Variants in MAP3K15 observed in about 807,000 individuals in gnomAD.
MAP3K15 encodes MAPK/ERK kinase kinase 15.
A neutral mutation model predicts 99.5 loss-of-function variants in MAP3K15; 124 were observed. That is an observed-to-expected ratio of 1.25 (90% confidence interval 1.08 to 1.45). The LOEUF (loss-of-function observed/expected upper bound fraction) is 1.45. Among genes scored for constraint, MAP3K15 ranks in the 40% most tolerant of loss-of-function variants. The probability of loss-of-function intolerance (pLI) is 0.00; values close to 1 mark genes in which losing one functional copy is unlikely to be tolerated. For synonymous variants in MAP3K15, 494 were observed against 439.6 expected, an observed-to-expected ratio of 1.12 and a Z score of -1.55; for missense variants, 1,242 against 1,079.7, an observed-to-expected ratio of 1.15 and a Z score of -2.11.
At position 19,384,774 on chromosome X, in the gene MAP3K15, A is replaced by C. The variant is rs867591573; in HGVS notation, c.2432-4497T>G. Among the ~76,000 whole-genome samples, 110 of 102,360 alleles carry C rather than the reference A, an allele frequency of 1.1e-3. 1 individual carries two copies. Among genetic ancestry groups the C allele is most frequent in the African/African-American group, 4.1e-3 (106 of 25,916 alleles). The allele number at this position is 102,360 out of a possible 115,157, so 88.9% of individuals were successfully genotyped here. Reference sequence around the variant, plus strand: ...GAAAAAAAAAAAAAAAAAAAAAAAAAAAAAAACTGTACATTTTAAAAAACT... The same window carrying C: ...GAAAAAAAAAAAAAAAAAAAAAAAACAAAAAACTGTACATTTTAAAAAACT... On this transcript the variant is annotated intron_variant, in intron 18 of 28. Transcript: ENST00000338883.
intron 1 of MAP3K15, among the ~76,000 whole-genome samples, chrX:19,494,669 G>A (rs1018373655): frequency 9.0e-6 from 1 of 111,028 alleles, no homozygotes; most frequent in Non-Finnish European, 1.9e-5. Context: ...TTCTGTGACT[G>A]TACTGGCTCA....
intron 6 of MAP3K15, among the ~76,000 whole-genome samples, chrX:19,445,714 G>A (rs901015470): frequency 5.5e-5 from 6 of 109,874 alleles, no homozygotes; most frequent in Non-Finnish European, 7.6e-5. Flanking sequence ...AGGCTGAGGC[G>A]GGTGGATCAC....
chrX:19,460,761 G>GTTT (rs372618461), intron 4 of MAP3K15, among the ~76,000 whole-genome samples: 1 of 98,098 alleles, frequency 1.0e-5, no homozygotes, highest in African/African-American at 3.9e-5. Flanking sequence ...TTGTTTTTTT[G>GTTT]TTTTTTTTTT....
intron 28 of MAP3K15, chrX:19,361,050 C>CA (rs2063279386): frequency 1.4e-5 from 6 of 417,590 alleles, no homozygotes; most frequent in South Asian, 1.2e-4. Context: ...AGGCAGGCTG[C>CA]AGTTTAAAGA....
intron 3 of MAP3K15, chrX:19,482,179 C>CAAAAAAAAAAAAAAA (rs34191166): frequency 6.0e-4 from 19 of 31,455 alleles, no homozygotes; most frequent in East Asian, 9.9e-4. Flanking sequence ...GATTCCAGCT[C>CAAAAAAAAAAAAAAA]AAAAAAAAAA....
rs191104278 is a variant in MAP3K15 at position 19,377,432 on chromosome X, T to C, written c.2589+2688A>G. Among the ~76,000 whole-genome samples the C allele has an allele frequency of 1.4e-4, 15 of 110,696 alleles. No homozygotes were observed. In the East Asian group the frequency reaches 4.3e-3, roughly 31 times the overall value. ...GGTGGCCCATGCCTACAATCCCAGC[T>C]ACTTGGGAGGCTGAGGCAGGAGAAT... On this transcript the variant is annotated intron_variant, in intron 19 of 28. Transcript: ENST00000338883.
intron 1 of MAP3K15, among the ~76,000 whole-genome samples, chrX:19,492,349 C>T (rs2064373707): frequency 9.0e-6 from 1 of 110,824 alleles, no homozygotes; most frequent in Non-Finnish European, 1.9e-5. Flanking sequence ...CAGGATATAT[C>T]ACTAAAAGAT....
intron 18 of MAP3K15, among the ~76,000 whole-genome samples, chrX:19,388,994 T>C (rs2063509672): frequency 8.9e-6 from 1 of 111,756 alleles, no homozygotes; most frequent in East Asian, 2.8e-4. Flanking sequence ...CACCACTGCA[T>C]GGAGGAACTG....
chrX:19,494,498 T>A (rs1045435496), intron 1 of MAP3K15, among the ~76,000 whole-genome samples: 1 of 112,080 alleles, frequency 8.9e-6, no homozygotes, highest in African/African-American at 3.2e-5. Flanking sequence ...TTTAGTTCGT[T>A]GAAAACTTTT....
At chrX:19,445,568 C>T (rs756275094) in intron 6 of MAP3K15, among the ~76,000 whole-genome samples, 1 of 89,972 alleles carries the variant, frequency 1.1e-5, no homozygotes, top group East Asian at 3.4e-4. Flanking sequence ...CCAACCTGGG[C>T]GACAGAGTGA....
At chrX:19,492,497 AC>A (rs1305795022) in intron 1 of MAP3K15, among the ~76,000 whole-genome samples, 3 of 111,354 alleles carry the variant, frequency 2.7e-5, no homozygotes, top group Non-Finnish European at 5.6e-5. Flanking sequence ...GAAAGGATGC[AC>A]GTCTATACTG....
chrX:19,476,545 T>A (rs752100881), intron 3 of MAP3K15, among the ~76,000 whole-genome samples: 4 of 112,285 alleles, frequency 3.6e-5, no homozygotes, highest in South Asian at 3.7e-4. Context: ...TAATTATTTG[T>A]CTAGCCAGCT....
Position 19,373,634 on chromosome X carries a change from G to A in MAP3K15, c.2835C>T (p.Ser945=). Residue 945 remains serine, a synonymous_variant, in exon 21 of 29, where the codon AGC becomes AGT. Transcript: ENST00000338883. ...PTQGEPMATS[S]SEHGSVSPDS... ...CTGGGGAGACAGAGCCGTGCTCGCT[G>A]CTGCTGGTGGCCATGGGCTCTCCCT... 1 of 1,199,434 alleles carries A rather than the reference G, an allele frequency of 8.3e-7. No homozygotes were observed. Among genetic ancestry groups the A allele is most frequent in the South Asian group, 1.8e-5 (1 of 55,170 alleles).
At chrX:19,426,431 T>G in intron 7 of MAP3K15, 88 bp from the exon 8 acceptor site, 1 of 546,164 alleles carries the variant, frequency 1.8e-6, no homozygotes, top group Non-Finnish European at 2.6e-6. Context: ...ATGAAAAGTT[T>G]TCTTTCTCTA....
rs954545357 is a variant in MAP3K15, at chrX:19,421,425, C to G, written c.1439+4106G>C. Among the ~76,000 whole-genome samples the G allele has an allele frequency of 1.7e-3, 191 of 110,695 alleles. 1 individual carries two copies. Among genetic ancestry groups the G allele is most frequent in the African/African-American group, 5.8e-3 (176 of 30,135 alleles). On this transcript the variant is annotated intron_variant, in intron 9 of 28. Transcript: ENST00000338883. ...GCCAAATCATGAGTGAACTCCCATT[C>G]ACAATTGCTTCAAAGAGAATAAAAT...
chrX:19,492,537 A>G (rs1297896945), intron 1 of MAP3K15, among the ~76,000 whole-genome samples: 2 of 111,519 alleles, frequency 1.8e-5, no homozygotes, highest in East Asian at 5.6e-4. Flanking sequence ...CAGCCTCATC[A>G]ATTTCTCTCA....
intron 1 of MAP3K15, among the ~76,000 whole-genome samples, chrX:19,491,110 G>A (rs1043636028): frequency 9.0e-6 from 1 of 111,548 alleles, no homozygotes; most frequent in African/African-American, 3.3e-5. Flanking sequence ...ACCAGACACC[G>A]CTAGCTCTGT....
chrX:19,382,891 TGA>T (rs1432663845), intron 18 of MAP3K15, among the ~76,000 whole-genome samples: 1 of 112,375 alleles, frequency 8.9e-6, no homozygotes, highest in East Asian at 2.8e-4. Context: ...TCTGTGATGC[TGA>T]GTCTGGGACT....
At chrX:19,399,765 A>C (rs1251956985) in intron 14 of MAP3K15, among the ~76,000 whole-genome samples, 1 of 103,609 alleles carries the variant, frequency 9.7e-6, no homozygotes. Context: ...AAAAAAAAAA[A>C]ACATGGTTAG....
Sources: allele counts gnomAD v4.1 joint callset (sites outside exome capture counted in the v4.1 genomes callset), GRCh38; gene constraint gnomAD v4.1.1; transcripts MANE v1.5; gene names NCBI Gene and HGNC (gene_info 2026-07-23, HGNC 2026-07-21).